ARMCX4: variants seen among roughly 807,000 people sequenced by gnomAD.
ARMCX4 encodes armadillo repeat-containing X-linked protein 4.
A neutral mutation model predicts 34.7 loss-of-function variants in ARMCX4; 3 were observed. That is an observed-to-expected ratio of 0.09 (90% CI 0.04 to 0.22). ARMCX4 has a LOEUF of 0.22. Among genes scored for constraint, ARMCX4 ranks in the 10% least tolerant of loss-of-function variants. The probability of loss-of-function intolerance (pLI) is 1.00; values close to 1 mark genes in which losing one functional copy is unlikely to be tolerated. For synonymous variants in ARMCX4, 513 were observed against 632.8 expected, an observed-to-expected ratio of 0.81 and a Z score of 2.84; for missense variants, 1,448 against 1,720.8, an observed-to-expected ratio of 0.84 and a Z score of 2.81.
rs145835169 is a variant in ARMCX4 at position 101,520,149 on chromosome X, A to C, written c.*1780+9094A>C. Among the ~76,000 whole-genome samples the C allele has an allele frequency of 9.1e-3, 1,028 of 112,565 alleles. 7 individuals carry two copies. Among genetic ancestry groups the C allele is most frequent in the South Asian group, 0.032 (89 of 2,745 alleles). Reference sequence around the variant, plus strand: ...TATTTTTTGATTGCTTGTGTATAGAATTATAACTGATTTTTGTATATTAAT... The same window carrying C: ...TATTTTTTGATTGCTTGTGTATAGACTTATAACTGATTTTTGTATATTAAT... On this transcript the variant is annotated intron_variant and NMD_transcript_variant, in intron 11 of 12. Transcript: ENST00000354842.
At chrX:101,420,273 C>A (rs1295147824) in intron 2 of ARMCX4, among the ~76,000 whole-genome samples, 2 of 111,519 alleles carry the variant, frequency 1.8e-5, no homozygotes, top group Non-Finnish European at 3.8e-5. Flanking sequence ...GCAGGAGAAT[C>A]ACTTGAATGC....
rs1353543726 is a variant in ARMCX4, at chrX:101,489,638, TGGG to T, written c.1052_1054del (p.Gly351del). 1.7e-6 allele frequency: 2 copies of T among 1,151,683 alleles called. No individual in the cohort carries two copies. The highest frequency in any genetic ancestry group is 2.3e-6 in the Non-Finnish European group (2 of 871,832). 94.9% of individuals were successfully genotyped at this position (1,151,683 alleles called of 1,213,427 possible). A position where few individuals can be genotyped will look rare whatever the true frequency, so the allele number is the denominator to read the frequency against. ...GGTAACACCAATGCCATGTGTAAGG[TGGG>T]GGCAGGGGCAGATGTGAGAGCTTGT... On this transcript the variant is annotated inframe_deletion, in exon 6 of 6. Transcript: ENST00000423738.
intron 2 of ARMCX4, among the ~76,000 whole-genome samples, chrX:101,440,096 A>G (rs1469487488): frequency 9.0e-6 from 1 of 110,517 alleles, no homozygotes; most frequent in Non-Finnish European, 1.9e-5. Context: ...TTTTTTCCCC[A>G]TCTTTGTGGT....
chrX:101,509,776 A>G (rs782768517), intron 10 of ARMCX4: 2 of 111,486 alleles, frequency 1.8e-5, no homozygotes, highest in Non-Finnish European at 3.8e-5. Context: ...TACTACATTG[A>G]CAGGTTATCT....
chrX:101,434,741 C>T (rs111371903), intron 2 of ARMCX4, among the ~76,000 whole-genome samples: 6,730 of 107,748 alleles, frequency 0.062, 219 homozygotes, highest in South Asian at 0.27. Flanking sequence ...CACCCATTAA[C>T]TCATCATTTA....
Position 101,493,976 on chromosome X carries a change from G to A in ARMCX4, c.5387G>A (p.Arg1796Lys). ...ENKASSGSWIRSEEVAYMGSC... is the reference protein window; with the variant it reads ...ENKASSGSWIKSEEVAYMGSC... ...AAGGCTAGTAGTGGCTCCTGGATTA[G>A]ATCTGAGGAGGTGGCTTATATGGGC... The change falls in exon 6 of 6, where the codon AGA (arginine) becomes AAA (lysine). Residue 1796 changes from arginine to lysine, a missense_variant. Coordinates refer to ENST00000423738, the MANE Select transcript of ARMCX4 (RefSeq NM_001256155.3). 1 of 1,042,870 alleles carries A rather than the reference G, an allele frequency of 9.6e-7. No individual in the cohort carries two copies. The highest frequency in any genetic ancestry group is 2.0e-5 in the South Asian group (1 of 50,610). The allele number at this position is 1,042,870 out of a possible 1,213,427, so 85.9% of individuals were successfully genotyped here. A position where few individuals can be genotyped will look rare whatever the true frequency, so the allele number is the denominator to read the frequency against.
chrX:101,495,282 T>C lies in ARMCX4; in HGVS notation c.6693T>C (p.Asn2231=), dbSNP rs1569339064. Reference sequence around the variant, plus strand: ...TTAATGCTCTTTCACTATTTGAAAATATAAATTACCATTTTAAAAGAAGAG... The same window carrying C: ...TTAATGCTCTTTCACTATTTGAAAACATAAATTACCATTTTAAAAGAAGAG... The part of the protein sequence containing the change: ...NILNALSLFE[N]INYHFKRRAK... The change falls in exon 6 of 6, where the codon AAT becomes AAC. Residue 2231 remains asparagine (N), a synonymous_variant. Transcript: ENST00000423738. 8.8e-7 allele frequency: 1 copy of C among 1,142,190 alleles called. No individual in the cohort carries two copies. The highest frequency in any genetic ancestry group is 3.3e-5 in the East Asian group (1 of 30,745). 94.1% of individuals were successfully genotyped at this position (1,142,190 alleles called of 1,213,427 possible).
chrX:101,468,997 A>G (rs1556002548), intron 4 of ARMCX4, among the ~76,000 whole-genome samples: 2 of 112,239 alleles, frequency 1.8e-5, no homozygotes, highest in African/African-American at 6.5e-5. Context: ...AATATTTACA[A>G]CATATAAAAC....
chrX:101,430,285 C>T (rs1328966838), intron 2 of ARMCX4, among the ~76,000 whole-genome samples: 4 of 111,797 alleles, frequency 3.6e-5, no homozygotes, highest in African/African-American at 1.3e-4. Context: ...TTTAGTTGAT[C>T]TCAAAGTTAT....
chrX:101,473,153 C>T lies in ARMCX4; in HGVS notation c.-472-12870C>T, dbSNP rs1464663538. ...GGAAAACAAAAAGAGGCAGGGGTTG[C>T]GATCCTAGTCTCTGATAAAACAGAC... On this transcript the variant is annotated intron_variant and NMD_transcript_variant, in intron 4 of 15. Transcript: ENST00000433011. 1.6e-4 allele frequency among the ~76,000 whole-genome samples: 18 copies of T among 110,844 alleles called. No homozygotes were observed. In the Middle Eastern group the frequency reaches 0.014, roughly 86 times the overall value.
At chrX:101,480,703 A>G (rs1472808585), upstream of ARMCX4, among the ~76,000 whole-genome samples, 1 of 112,764 alleles carries the variant, frequency 8.9e-6, no homozygotes, top group Non-Finnish European at 1.9e-5. Flanking sequence ...AACCATTTAA[A>G]AAATACAGCT....
intron 2 of ARMCX4, among the ~76,000 whole-genome samples, chrX:101,428,646 T>C (rs1340062888): frequency 9.0e-6 from 1 of 111,522 alleles, no homozygotes; most frequent in Non-Finnish European, 1.9e-5. Flanking sequence ...TTGTATCCAT[T>C]TGAGAGAGAG....
At chrX:101,434,714 G>A (rs1239722149) in intron 2 of ARMCX4, among the ~76,000 whole-genome samples, 1 of 108,666 alleles carries the variant, frequency 9.2e-6, no homozygotes, top group African/African-American at 3.4e-5. Context: ...GTATACATGT[G>A]CCATGTTGGT....
chrX:101,435,420 G>C (rs1267497386), intron 2 of ARMCX4, among the ~76,000 whole-genome samples: 32 of 111,399 alleles, frequency 2.9e-4, no homozygotes, highest in African/African-American at 9.4e-4. Context: ...GTGTCTTTTG[G>C]CTGCATAAAT....
At chrX:101,478,261 T>G (rs781811954) in intron 4 of ARMCX4, among the ~76,000 whole-genome samples, 1 of 112,158 alleles carries the variant, frequency 8.9e-6, no homozygotes, top group Admixed American at 9.5e-5. Context: ...ACTGACAAAC[T>G]TTTATAACTA....
intron 11 of ARMCX4, among the ~76,000 whole-genome samples, chrX:101,512,848 ATG>A (rs1556016742): frequency 3.9e-4 from 27 of 68,963 alleles, no homozygotes; most frequent in African/African-American, 7.2e-4. Context: ...ATGTGTATAT[ATG>A]TGTATATATG....
chrX:101,479,304 CCACACACACACACACA>C lies in ARMCX4; in HGVS notation c.-472-6683_-472-6668del, dbSNP rs34549014. 2.6e-3 allele frequency among the ~76,000 whole-genome samples: 202 copies of C among 78,177 alleles called. 2 individuals carry two copies. The highest frequency in any genetic ancestry group is 8.0e-3 in the Admixed American group (53 of 6,650). 67.9% of individuals were successfully genotyped at this position (78,177 alleles called of 115,157 possible). On this transcript the variant is annotated intron_variant and NMD_transcript_variant, in intron 4 of 15. Transcript: ENST00000433011. ...AAATGTATAAAATCTATAAAGAAAA[CCACACACACACACACA>C]CACACACACACACACACACACACAC...
chrX:101,469,087 A>G (rs1159074736), intron 4 of ARMCX4, among the ~76,000 whole-genome samples: 2 of 112,201 alleles, frequency 1.8e-5, no homozygotes, highest in African/African-American at 3.2e-5. Context: ...TTGTGCCAGG[A>G]AAACAGGCAA....
At chrX:101,527,313 T>G (rs1934999636) in intron 11 of ARMCX4, among the ~76,000 whole-genome samples, 1 of 111,664 alleles carries the variant, frequency 9.0e-6, no homozygotes, top group African/African-American at 3.3e-5. Context: ...TACCAGAATC[T>G]CTGGGACGCA....
Sources: allele counts gnomAD v4.1 joint callset (sites outside exome capture counted in the v4.1 genomes callset), GRCh38; gene constraint gnomAD v4.1.1; transcripts MANE v1.5; gene names NCBI Gene and HGNC (gene_info 2026-07-23, HGNC 2026-07-21).